Variants in ATRNL1 observed in about 807,000 individuals in gnomAD.
ATRNL1 encodes the protein attractin like 1.
ATRNL1 carries 95 observed loss-of-function variants against 182.7 expected under a neutral mutation model. The ratio of observed to expected loss-of-function variants is 0.52; its 90% CI spans 0.44 to 0.62. ATRNL1 has a LOEUF of 0.62. Among genes scored for constraint, ATRNL1 ranks in the 20% least tolerant of loss-of-function variants. The probability of loss-of-function intolerance (pLI) is 0.00; values close to 1 mark genes in which losing one functional copy is unlikely to be tolerated. For missense variants in ATRNL1, 1,471 were observed against 1,679.5 expected (o/e 0.88, Z 2.17); for synonymous variants, 576 against 568.3 (o/e 1.01, Z -0.19).
intron 27 of ATRNL1, among the ~76,000 whole-genome samples, chr10:115,818,683 A>T (rs782444122): frequency 8.5e-5 from 13 of 152,250 alleles, no homozygotes; most frequent in Middle Eastern, 6.8e-3. Flanking sequence ...AGTCACTTAG[A>T]TTACACTTTC....
intron 26 of ATRNL1, among the ~76,000 whole-genome samples, chr10:115,677,301 T>C (rs1555043347): frequency 1.3e-5 from 2 of 152,154 alleles, no homozygotes; most frequent in East Asian, 3.9e-4. Flanking sequence ...GCTAACACTT[T>C]GACAGGTTTG....
chr10:115,839,782 G>GTAGCACTCTGCCACCAATAAT (rs1361144448), intron 27 of ATRNL1, among the ~76,000 whole-genome samples: 2 of 152,118 alleles, frequency 1.3e-5, no homozygotes, highest in Admixed American at 6.6e-5. Flanking sequence ...CTGTGCCTAT[G>GTAGCACTCTGCCACCAATAAT]TAGCACTCTG....
intron 13 of ATRNL1, among the ~76,000 whole-genome samples, chr10:115,270,956 T>C (rs1019031215): frequency 1.3e-5 from 2 of 152,132 alleles, no homozygotes; most frequent in African/African-American, 4.8e-5. Flanking sequence ...TAATTCTACC[T>C]AACATAATAC....
intron 28 of ATRNL1, among the ~76,000 whole-genome samples, chr10:115,886,071 G>A (rs1179691061): frequency 1.3e-5 from 2 of 152,194 alleles, no homozygotes; most frequent in African/African-American, 4.8e-5. Context: ...AGAAAGGACA[G>A]AGGTCTGCTT....
intron 20 of ATRNL1, among the ~76,000 whole-genome samples, chr10:115,409,330 A>G (rs1202331625): frequency 6.6e-6 from 1 of 152,122 alleles, no homozygotes; most frequent in Non-Finnish European, 1.5e-5. Flanking sequence ...GTTATTCTAG[A>G]TGAGATTTGC....
chr10:115,813,236 TAATTA>T (rs1231355901), intron 27 of ATRNL1, among the ~76,000 whole-genome samples: 2 of 152,050 alleles, frequency 1.3e-5, no homozygotes, highest in Non-Finnish European at 2.9e-5. Context: ...AGTATAATAA[TAATTA>T]AATTAAATTA....
chr10:115,682,177 T>C (rs1946067349), intron 26 of ATRNL1, among the ~76,000 whole-genome samples: 2 of 152,126 alleles, frequency 1.3e-5, no homozygotes, highest in Admixed American at 1.3e-4. Flanking sequence ...CTCCACAACT[T>C]ACTGTGTGAA....
chr10:115,909,996 T>C (rs549769692), intron 28 of ATRNL1, among the ~76,000 whole-genome samples: 1 of 152,252 alleles, frequency 6.6e-6, no homozygotes, highest in African/African-American at 2.4e-5. Flanking sequence ...GCAACCTGAT[T>C]TGGGGAGGAG....
intron 27 of ATRNL1, among the ~76,000 whole-genome samples, chr10:115,733,646 T>C (rs1947864360): frequency 6.6e-6 from 1 of 152,206 alleles, no homozygotes; most frequent in Non-Finnish European, 1.5e-5. Flanking sequence ...GCACAGCCAG[T>C]GGTCCCCCTG....
At chr10:115,908,973 T>C (rs1288870952) in intron 28 of ATRNL1, among the ~76,000 whole-genome samples, 1 of 152,228 alleles carries the variant, frequency 6.6e-6, no homozygotes, top group Non-Finnish European at 1.5e-5. Context: ...GTGCACGTCA[T>C]GCCTGCACAC....
chr10:115,555,629 A>G (rs1181016515), intron 26 of ATRNL1, among the ~76,000 whole-genome samples: 1 of 151,952 alleles, frequency 6.6e-6, no homozygotes, highest in Non-Finnish European at 1.5e-5. Flanking sequence ...AACAAGCCAA[A>G]TAAAATCCCA....
At chr10:115,182,985 C>T (rs985131300) in intron 8 of ATRNL1, among the ~76,000 whole-genome samples, 17 of 151,142 alleles carry the variant, frequency 1.1e-4, no homozygotes, top group South Asian at 4.2e-4. Context: ...CAATACAGCC[C>T]GATTATAGAG....
At chr10:115,668,490 T>A (rs1259685278) in intron 26 of ATRNL1, among the ~76,000 whole-genome samples, 1 of 152,234 alleles carries the variant, frequency 6.6e-6, no homozygotes, top group East Asian at 1.9e-4. Context: ...TACATTAGGA[T>A]TTAATCTTGA....
At chr10:115,935,214 C>A (rs563861737) in intron 28 of ATRNL1, among the ~76,000 whole-genome samples, 4 of 152,274 alleles carry the variant, frequency 2.6e-5, no homozygotes, top group African/African-American at 7.2e-5. Context: ...ACAACACTGC[C>A]TGCAACATGC....
chr10:115,641,779 C>T (rs1248291871), intron 26 of ATRNL1, among the ~76,000 whole-genome samples: 6 of 151,838 alleles, frequency 4.0e-5, no homozygotes, highest in Non-Finnish European at 7.4e-5. Context: ...GATATTCAGT[C>T]GTATCTATTG....
At chr10:115,123,367 C>G (rs1592131479) in intron 3 of ATRNL1, among the ~76,000 whole-genome samples, 1 of 152,168 alleles carries the variant, frequency 6.6e-6, no homozygotes, top group Non-Finnish European at 1.5e-5. Flanking sequence ...TTATTTGCTT[C>G]TAATAGATGG....
chr10:115,544,793 C>T (rs1852552019), intron 25 of ATRNL1, among the ~76,000 whole-genome samples: 1 of 152,176 alleles, frequency 6.6e-6, no homozygotes, highest in Admixed American at 6.5e-5. Context: ...GATGGAAATT[C>T]TGTCATTCTT....
In ATRNL1 at chr10:115,448,847, G is replaced by A. The variant is rs545843860; in HGVS notation, c.3323-13094G>A. On this transcript the variant is annotated intron_variant, in intron 21 of 28. Transcript: ENST00000355044. ...ATTACTTTTGCTCCAATGTAATAGC[G>A]TGCCAACCAACAACAACAACAACAA... Among the ~76,000 whole-genome samples the A allele has an allele frequency of 1.5e-3, 211 of 145,184 alleles. 1 individual carries two copies. The highest frequency in any genetic ancestry group is 5.5e-3 in the African/African-American group (196 of 35,918).
chr10:115,098,864 G>C (rs1252981107), intron 1 of ATRNL1, among the ~76,000 whole-genome samples: 1 of 152,132 alleles, frequency 6.6e-6, no homozygotes, highest in African/African-American at 2.4e-5. Flanking sequence ...TGTCAAAAAT[G>C]AGGTGTTTAA....
Sources: allele counts gnomAD v4.1 joint callset (sites outside exome capture counted in the v4.1 genomes callset), GRCh38; gene constraint gnomAD v4.1.1; transcripts MANE v1.5; gene names NCBI Gene and HGNC (gene_info 2026-07-23, HGNC 2026-07-21).